ANK3: variants seen among roughly 807,000 people sequenced by gnomAD.
The protein encoded by ANK3 is ankyrin 3.
A neutral mutation model predicts 370.9 loss-of-function variants in ANK3; 57 were observed. The ratio of observed to expected loss-of-function variants is 0.15; its 90% CI spans 0.12 to 0.19. The LOEUF (loss-of-function observed/expected upper bound fraction) is 0.19. Among genes scored for constraint, ANK3 ranks in the 10% least tolerant of loss-of-function variants. ANK3 has a pLI of 1.00. For synonymous variants in ANK3, 1,929 were observed against 1,946.3 expected, an observed-to-expected ratio of 0.99 and a Z score of 0.23; for missense variants, 4,439 against 5,302.1, an observed-to-expected ratio of 0.84 and a Z score of 5.06.
intron 2 of ANK3, among the ~76,000 whole-genome samples, chr10:60,479,314 T>A (rs574331554): frequency 6.6e-6 from 1 of 152,302 alleles, no homozygotes; most frequent in Non-Finnish European, 1.5e-5. Flanking sequence ...AATACCATTG[T>A]GCTACAACTA....
intron 26 of ANK3, chr10:60,111,633 T>C: frequency 2.8e-6 from 1 of 358,386 alleles, no homozygotes; most frequent in Non-Finnish European, 5.6e-6. Context: ...GGATGACAAA[T>C]GCTGATATAC....
chr10:60,638,678 T>TA (rs778013015), intron 1 of ANK3, among the ~76,000 whole-genome samples: 98 of 151,578 alleles, frequency 6.5e-4, no homozygotes, highest in Non-Finnish European at 5.9e-5. Context: ...AAGAGAGAAC[T>TA]AAAAAAAATA....
rs772179409 is a variant in ANK3 at position 60,218,037 on chromosome 10, T to TG, written c.898-4528dup. 3.3e-5 allele frequency among the ~76,000 whole-genome samples: 5 copies of TG among 152,224 alleles called. No individual in the cohort carries two copies. The East Asian group carries it at 5.8e-4, about 18-fold the overall frequency. ...CTTCTTTTTCTTTTTGGACCTTTGTTGATTTAAAGTCTGTTTTGTCAGAGA... is the reference window on the plus strand; with the variant it reads ...CTTCTTTTTCTTTTTGGACCTTTGTTGGATTTAAAGTCTGTTTTGTCAGAGA... On this transcript the variant is annotated intron_variant, in intron 8 of 43. Coordinates refer to ENST00000280772, the MANE Select transcript of ANK3 (RefSeq NM_020987.5).
At chr10:60,290,577 AG>A (rs1197316544) in intron 1 of ANK3, among the ~76,000 whole-genome samples, 2 of 152,198 alleles carry the variant, frequency 1.3e-5, no homozygotes, top group Non-Finnish European at 2.9e-5. Context: ...CTGAAGTAAA[AG>A]GGGCTTGCTC....
chr10:60,077,662 C>A (rs548320963), intron 36 of ANK3, among the ~76,000 whole-genome samples: 89 of 152,234 alleles, frequency 5.8e-4, no homozygotes, highest in African/African-American at 2.0e-3. Flanking sequence ...TTTTTCATAA[C>A]CTAATCTACA....
intron 42 of ANK3, 109 bp from the exon 43 acceptor site, chr10:60,042,868 G>A (rs2131867396): frequency 6.5e-7 from 1 of 1,543,954 alleles, no homozygotes; most frequent in South Asian, 1.3e-5. Flanking sequence ...ACAGTTTAAA[G>A]CATTTTGTCA....
At chr10:60,105,756 G>T (rs990751338) in intron 28 of ANK3, 149 bp downstream of exon 28, 3 of 677,576 alleles carry the variant, frequency 4.4e-6, no homozygotes, top group Admixed American at 3.6e-5. Context: ...TCAGCATTAT[G>T]ATATAGAAAA....
At chr10:60,258,238 C>T (rs938884720) in intron 7 of ANK3, among the ~76,000 whole-genome samples, 1 of 152,170 alleles carries the variant, frequency 6.6e-6, no homozygotes, top group African/African-American at 2.4e-5. Flanking sequence ...AGACTCAGTT[C>T]AAAGAATGAA....
rs2040512494 is a variant in ANK3, at chr10:60,288,328, G to A, written c.115-8689C>T. On this transcript the variant is annotated intron_variant, in intron 1 of 43. Coordinates refer to ENST00000280772, the MANE Select transcript of ANK3 (RefSeq NM_020987.5). ...AACAGCACTTGGTCTGTTCTGCTTA[G>A]GATCACATATCCTACAGAGATGGAT... Among the ~76,000 whole-genome samples, 3 of 152,284 alleles carry A rather than the reference G, an allele frequency of 2.0e-5. No homozygotes were observed. In the South Asian group the frequency reaches 6.2e-4, roughly 32 times the overall value.
chr10:60,621,310 CATTT>C (rs1459303143), intron 1 of ANK3, among the ~76,000 whole-genome samples: 1 of 152,170 alleles, frequency 6.6e-6, no homozygotes, highest in Non-Finnish European at 1.5e-5. Flanking sequence ...TTATCTCACT[CATTT>C]ACATAACTAA....
At chr10:60,066,818 T>C (rs2081740967) in intron 38 of ANK3, among the ~76,000 whole-genome samples, 2 of 152,194 alleles carry the variant, frequency 1.3e-5, no homozygotes, top group South Asian at 4.1e-4. Flanking sequence ...TTAAAATTTC[T>C]CAGATTCATG....
chr10:60,672,458 A>C (rs1172692027), intron 1 of ANK3, among the ~76,000 whole-genome samples: 1 of 152,192 alleles, frequency 6.6e-6, no homozygotes, highest in Non-Finnish European at 1.5e-5. Context: ...TACATGATAA[A>C]AACTACATAA....
At chr10:60,032,128 C>G (rs1204595015) in intron 43 of ANK3, among the ~76,000 whole-genome samples, 1 of 150,744 alleles carries the variant, frequency 6.6e-6, no homozygotes, top group African/African-American at 2.4e-5. Context: ...AACCCCTCCC[C>G]CTGACTTTTT....
intron 2 of ANK3, among the ~76,000 whole-genome samples, chr10:60,567,048 C>A (rs1376848814): frequency 2.0e-5 from 3 of 152,174 alleles, no homozygotes; most frequent in African/African-American, 7.2e-5. Flanking sequence ...CATAAAAGTG[C>A]AAAGTGAAGC....
chr10:60,468,751 A>C (rs945040842), intron 2 of ANK3, among the ~76,000 whole-genome samples: 7 of 151,794 alleles, frequency 4.6e-5, no homozygotes, highest in Admixed American at 6.6e-5. Flanking sequence ...GAATGAAAGA[A>C]CTTCAGCATA....
chr10:60,514,489 AT>A (rs1476028940), intron 2 of ANK3, among the ~76,000 whole-genome samples: 9 of 152,076 alleles, frequency 5.9e-5, no homozygotes, highest in Non-Finnish European at 1.3e-4. Flanking sequence ...AAAATTACCT[AT>A]TATCAGCTTT....
intron 2 of ANK3, among the ~76,000 whole-genome samples, chr10:60,436,950 T>C (rs976101540): frequency 2.0e-5 from 3 of 152,340 alleles, no homozygotes; most frequent in Admixed American, 1.3e-4. Context: ...AGTTATCACA[T>C]GGGGTCTGTC....
At chr10:60,413,678 C>A (rs1485509424) in intron 2 of ANK3, among the ~76,000 whole-genome samples, 1 of 152,146 alleles carries the variant, frequency 6.6e-6, no homozygotes, top group South Asian at 2.1e-4. Context: ...CAGAATCATG[C>A]AGAGTATTTA....
At chr10:60,157,509 T>G (rs1000166540) in intron 23 of ANK3, among the ~76,000 whole-genome samples, 2 of 151,966 alleles carry the variant, frequency 1.3e-5, no homozygotes, top group Admixed American at 1.3e-4. Flanking sequence ...TAATTTATTT[T>G]TATTTTTTAT....
Sources: gnomAD v4.1 joint callset for allele counts (sites outside exome capture counted in the v4.1 genomes callset) on GRCh38, gnomAD v4.1.1 for gene constraint, MANE v1.5 for transcripts, NCBI Gene and HGNC (gene_info 2026-07-23, HGNC 2026-07-21) for gene names.